MAPKAP1: variants seen among roughly 807,000 people sequenced by gnomAD.
The protein encoded by MAPKAP1 is MAPK associated protein 1, also known as target of rapamycin complex 2 subunit MAPKAP1.
Under a neutral mutation model 65.7 loss-of-function variants are expected in MAPKAP1, and 20 were observed. That is an observed-to-expected ratio of 0.30 (90% CI 0.21 to 0.44). The LOEUF (loss-of-function observed/expected upper bound fraction) is 0.44, where lower values mean the gene tolerates loss of function less well. MAPKAP1 is among the 20% of genes least tolerant of loss of function. The pLI is 1.00. For missense variants in MAPKAP1, 423 were observed against 648.0 expected (o/e 0.65, Z 3.77); for synonymous variants, 222 against 244.3 (o/e 0.91, Z 0.85).
At chr9:125,590,136 A>G (rs561315045) in intron 4 of MAPKAP1, among the ~76,000 whole-genome samples, 1 of 152,326 alleles carries the variant, frequency 6.6e-6, no homozygotes, top group African/African-American at 2.4e-5. Context: ...CTAAGGAGCT[A>G]TAGGATTCAC....
At chr9:125,691,857 T>C (rs1835180752) in intron 1 of MAPKAP1, among the ~76,000 whole-genome samples, 1 of 152,198 alleles carries the variant, frequency 6.6e-6, no homozygotes, top group Non-Finnish European at 1.5e-5. Flanking sequence ...TGACTTCCTA[T>C]CACTAATGCC....
chr9:125,675,643 T>G (rs1405798554), intron 1 of MAPKAP1, among the ~76,000 whole-genome samples: 1 of 152,236 alleles, frequency 6.6e-6, no homozygotes, highest in East Asian at 1.9e-4. Flanking sequence ...TGTCACTTTT[T>G]ACCTCCAATT....
chr9:125,613,011 T>A (rs984538903), intron 4 of MAPKAP1, among the ~76,000 whole-genome samples: 3 of 152,128 alleles, frequency 2.0e-5, no homozygotes, highest in African/African-American at 7.2e-5. Flanking sequence ...AGGATCTGGG[T>A]CATCATACCA....
chr9:125,649,814 A>G (rs888844499), intron 4 of MAPKAP1, among the ~76,000 whole-genome samples: 6 of 151,784 alleles, frequency 4.0e-5, no homozygotes, highest in East Asian at 1.9e-4. Flanking sequence ...AAAAAAAAAA[A>G]AAAGAAAAGA....
At chr9:125,576,709 C>G (rs1252292684) in intron 5 of MAPKAP1, among the ~76,000 whole-genome samples, 1 of 152,220 alleles carries the variant, frequency 6.6e-6, no homozygotes, top group East Asian at 1.9e-4. Context: ...TTGGTGGAGA[C>G]GGGGTTTCGC....
chr9:125,656,052 G>C (rs1293647074), intron 4 of MAPKAP1, among the ~76,000 whole-genome samples: 1 of 152,142 alleles, frequency 6.6e-6, no homozygotes, highest in Non-Finnish European at 1.5e-5. Context: ...GAATTATAGA[G>C]TATTTTAAAA....
chr9:125,619,178 T>C lies in MAPKAP1; in HGVS notation c.499-33451A>G, dbSNP rs117502234. 4.8e-3 allele frequency among the ~76,000 whole-genome samples: 726 copies of C among 152,338 alleles called. 9 individuals carry two copies. Among genetic ancestry groups the C allele is most frequent in the Middle Eastern group, 0.034 (10 of 294 alleles). On this transcript the variant is annotated intron_variant, in intron 4 of 11. Coordinates refer to ENST00000265960, the MANE Select transcript of MAPKAP1 (RefSeq NM_001006617.3). ...CTGTCTTACTATCTTCTGCTTAGTA[T>C]AAACATGGGCTAGTCACATTTTAGA...
chr9:125,706,803 CCA>C (rs1041329836), intron 1 of MAPKAP1, among the ~76,000 whole-genome samples, 166 bp downstream of exon 1: 2 of 152,134 alleles, frequency 1.3e-5, no homozygotes, highest in African/African-American at 4.8e-5. Flanking sequence ...CTGACAGCCT[CCA>C]GTTCTGGAAA....
chr9:125,690,557 T>TAGGCACTG (rs1188263937), intron 1 of MAPKAP1, among the ~76,000 whole-genome samples: 1 of 152,212 alleles, frequency 6.6e-6, no homozygotes, highest in African/African-American at 2.4e-5. Context: ...GCCTACCTCA[T>TAGGCACTG]AGGATTGTTG....
At chr9:125,554,208 A>G (rs772800940) in intron 6 of MAPKAP1, among the ~76,000 whole-genome samples, 2 of 152,216 alleles carry the variant, frequency 1.3e-5, no homozygotes, top group Non-Finnish European at 2.9e-5. Context: ...GACAGAATTC[A>G]GTGGGCACAA....
rs116818690 is a variant in MAPKAP1 at position 125,677,242 on chromosome 9, C to T, written c.-69-4599G>A. On this transcript the variant is annotated intron_variant, in intron 1 of 11. Transcript: ENST00000265960. ...TCACTTGTGGTCAGGAGTTTGAGAC[C>T]GACCTGGTCAACATGTGAAACCCCA... Among the ~76,000 whole-genome samples, 1,052 of 151,654 alleles carry T rather than the reference C, an allele frequency of 6.9e-3. 17 individuals carry two copies. The highest frequency in any genetic ancestry group is 0.023 in the African/African-American group (950 of 41,326).
chr9:125,444,410 C>T (rs878983135), intron 11 of MAPKAP1, 91 bp downstream of exon 11: 44 of 980,120 alleles, frequency 4.5e-5, no homozygotes, highest in South Asian at 2.3e-4. Context: ...TATAGAGCTG[C>T]GGAGTGGGTG....
intron 4 of MAPKAP1, among the ~76,000 whole-genome samples, chr9:125,601,693 C>T (rs1035703895): frequency 4.6e-5 from 7 of 152,188 alleles, no homozygotes; most frequent in African/African-American, 7.2e-5. Flanking sequence ...AAGTCCCTGA[C>T]GCACCTCCTA....
chr9:125,596,360 TG>T, intron 4 of MAPKAP1: 1 of 786,152 alleles, frequency 1.3e-6, no homozygotes, highest in Non-Finnish European at 2.3e-6. Flanking sequence ...GTGGCAACCA[TG>T]GTGGTGGTGG....
At chr9:125,658,977 C>T (rs1005424982) in intron 3 of MAPKAP1, among the ~76,000 whole-genome samples, 1 of 152,088 alleles carries the variant, frequency 6.6e-6, no homozygotes, top group East Asian at 1.9e-4. Context: ...CAGCTGGGCA[C>T]CGTGGCTCAA....
At chr9:125,628,885 CAAG>C (rs150656951) in intron 4 of MAPKAP1, among the ~76,000 whole-genome samples, 108 of 143,222 alleles carry the variant, frequency 7.5e-4, no homozygotes, top group East Asian at 1.8e-3. Flanking sequence ...ACAACAACAA[CAAG>C]AACAACAACA....
chr9:125,487,615 T>TAAAA (rs35665829), intron 8 of MAPKAP1, among the ~76,000 whole-genome samples: 1 of 126,818 alleles, frequency 7.9e-6, no homozygotes, highest in Non-Finnish European at 1.7e-5. Context: ...TGCCAATTAC[T>TAAAA]AAAAAAAAAA....
At chr9:125,495,682 T>A (rs951614066) in intron 8 of MAPKAP1, among the ~76,000 whole-genome samples, 18 of 152,158 alleles carry the variant, frequency 1.2e-4, no homozygotes, top group Non-Finnish European at 1.6e-4. Context: ...ATGCAAATCA[T>A]GTGGAAGTTC....
At chr9:125,585,981 A>G (rs376841065) in intron 4 of MAPKAP1, among the ~76,000 whole-genome samples, 6 of 152,158 alleles carry the variant, frequency 3.9e-5, no homozygotes, top group African/African-American at 7.2e-5. Context: ...TAAGAGGAAA[A>G]TATGAGTGGT....
Sources: allele counts gnomAD v4.1 joint callset (sites outside exome capture counted in the v4.1 genomes callset), GRCh38; gene constraint gnomAD v4.1.1; transcripts MANE v1.5; gene names NCBI Gene and HGNC (gene_info 2026-07-23, HGNC 2026-07-21).